The following NPY variants were observed in gnomAD, a reference collection of about 807,000 sequenced individuals.
NPY encodes pro-neuropeptide Y.
Under a neutral mutation model 13.2 loss-of-function variants are expected in NPY, and 11 were observed. The ratio of observed to expected loss-of-function variants is 0.83; its 90% confidence interval spans 0.52 to 1.38. The LOEUF (loss-of-function observed/expected upper bound fraction) is 1.38. NPY is among the 40% of genes most tolerant of loss of function. The pLI is 0.00. For synonymous variants in NPY, 51 were observed against 55.6 expected (o/e 0.92, Z 0.37); for missense variants, 109 against 125.1 (o/e 0.87, Z 0.61).
chr7:24,291,191 C>T (rs1787586684), intron 3 of NPY, among the ~76,000 whole-genome samples: 1 of 152,082 alleles, frequency 6.6e-6, no homozygotes. Flanking sequence ...GGAGACAAAA[C>T]TTGACGGTCT....
chr7:24,290,908 A>C (rs1787578459), intron 3 of NPY, among the ~76,000 whole-genome samples: 1 of 151,908 alleles, frequency 6.6e-6, no homozygotes, highest in Non-Finnish European at 1.5e-5. Context: ...CCCAAGTGCT[A>C]GGATTACAGT....
rs895349764 is a variant in NPY at position 24,285,016 on chromosome 7, C to T, written c.1-225C>T. On this transcript the variant is annotated intron_variant, in intron 1 of 3. Transcript: ENST00000242152. This position sits in a 1 kb window ranked among gnomAD's most constrained non-coding sequence, Gnocchi z 4.9. Reference sequence around the variant, plus strand: ...CCCTGAGACTTCGAACGAAGTTGCGCGAAGTTTTCAGGTGGAGCAGAGGGG... The same window carrying T: ...CCCTGAGACTTCGAACGAAGTTGCGTGAAGTTTTCAGGTGGAGCAGAGGGG... 5.1e-6 allele frequency: 3 copies of T among 585,210 alleles called. No homozygotes were observed. The highest frequency in any genetic ancestry group is 6.1e-6 in the Non-Finnish European group (2 of 328,568). The allele number at this position is 585,210 out of a possible 1,614,324, so 36.3% of individuals were successfully genotyped here. A position where few individuals can be genotyped will look rare whatever the true frequency, so the allele number is the denominator to read the frequency against.
chr7:24,285,912 C>G lies in NPY; in HGVS notation c.188+484C>G, dbSNP rs182076684. ...ACATTGTCAGACTTTCCGGCCTGCC[C>G]AGGGCTAATTGAATGACAGTATTTA... On this transcript the variant is annotated intron_variant, in intron 2 of 3. Transcript: ENST00000242152. The surrounding 1 kb of genome is among the most constrained non-coding windows in gnomAD (Gnocchi z 4.9). 6.6e-6 allele frequency among the ~76,000 whole-genome samples: 1 copy of G among 152,150 alleles called. No homozygotes were observed. The highest frequency in any genetic ancestry group is 2.4e-5 in the African/African-American group (1 of 41,432).
Position 24,291,707 on chromosome 7 carries a change from T to C in NPY, c.*20T>C. On this transcript the variant is annotated 3_prime_UTR_variant, in exon 4 of 4. Coordinates refer to ENST00000242152, the MANE Select transcript of NPY (RefSeq NM_000905.4). The stretch of plus-strand genomic sequence containing the variant: ...TGGTGATGGGAAATGAGACTTGCTC[T>C]CTGGCCTTTTCCTATTTTCAGCCCA... The C allele has an allele frequency of 6.2e-7, 1 of 1,614,068 alleles. No homozygotes were observed. Among genetic ancestry groups the C allele is most frequent in the Non-Finnish European group, 8.5e-7 (1 of 1,179,928 alleles).
rs1448520150 is a variant in NPY at position 24,285,199 on chromosome 7, C to G, written c.1-42C>G. 9 of 1,609,840 alleles carry G rather than the reference C, an allele frequency of 5.6e-6. No individual in the cohort carries two copies. Among genetic ancestry groups the G allele is most frequent in the Non-Finnish European group, 7.6e-6 (9 of 1,176,744 alleles). On this transcript the variant is annotated intron_variant, in intron 1 of 3. Coordinates refer to ENST00000242152, the MANE Select transcript of NPY (RefSeq NM_000905.4). The surrounding 1 kb of genome is among the most constrained non-coding windows in gnomAD (Gnocchi z 4.9). ...GAGGGAGGTGCTGCGCGTGGGTGCT[C>G]TGAATCCCCAAGCCCGTCCGTTGAG...
rs1169028546 is a variant in NPY, at chr7:24,285,152, A to G, written c.1-89A>G. The G allele has an allele frequency of 2.9e-5, 40 of 1,368,738 alleles. No individual in the cohort carries two copies. Among genetic ancestry groups the G allele is most frequent in the Non-Finnish European group, 3.9e-5 (38 of 968,928 alleles). The allele number at this position is 1,368,738 out of a possible 1,614,324, so 84.8% of individuals were successfully genotyped here. On this transcript the variant is annotated intron_variant, in intron 1 of 3. Transcript: ENST00000242152. The surrounding 1 kb of genome is among the most constrained non-coding windows in gnomAD (Gnocchi z 4.9). Reference sequence around the variant, plus strand: ...ATTGGGGGTCGCGTGTGGTAGCAGGAGGAGGAGCGCGGGGGGCAGAGGAGG... The same window carrying G: ...ATTGGGGGTCGCGTGTGGTAGCAGGGGGAGGAGCGCGGGGGGCAGAGGAGG...
chr7:24,291,550 C>T (rs1311623475), intron 3 of NPY, 113 bp from the exon 4 acceptor site: 82 of 1,301,880 alleles, frequency 6.3e-5, no homozygotes, highest in South Asian at 8.0e-5. Context: ...CAACAGGAAA[C>T]TTTTCAACAG....
At chr7:24,284,696 C>T (rs911972024) in intron 1 of NPY, among the ~76,000 whole-genome samples, 1 of 152,174 alleles carries the variant, frequency 6.6e-6, no homozygotes, top group African/African-American at 2.4e-5. Flanking sequence ...GAGCCCCGCG[C>T]CCTGCCACCT....
chr7:24,289,639 A>G, intron 3 of NPY, 60 bp downstream of exon 3: 1 of 1,356,112 alleles, frequency 7.4e-7, no homozygotes, highest in South Asian at 1.3e-5. Context: ...AGGGGAGGGA[A>G]GTCAGAGACA....
chr7:24,284,351 C>A (rs973576725), intron 1 of NPY, 76 bp downstream of exon 1: 1 of 152,534 alleles, frequency 6.6e-6, no homozygotes, highest in African/African-American at 2.4e-5. Context: ...CGCAGCCTCC[C>A]GCTCTGTGGA....
rs1254198697 is a variant in NPY at position 24,285,783 on chromosome 7, GC to G, written c.188+357del. Among the ~76,000 whole-genome samples the G allele has an allele frequency of 6.6e-6, 1 of 152,088 alleles. No individual in the cohort carries two copies. The highest frequency in any genetic ancestry group is 2.4e-5 in the African/African-American group (1 of 41,394). On this transcript the variant is annotated intron_variant, in intron 2 of 3. Transcript: ENST00000242152. The surrounding 1 kb of genome is among the most constrained non-coding windows in gnomAD (Gnocchi z 4.9). ...TACCCAGTGAAAGGGGCAAGAATGC[GC>G]CAGAGAAATGCTGTAGGGGGAAACG...
intron 3 of NPY, among the ~76,000 whole-genome samples, chr7:24,290,759 A>AAATAAT (rs747171869): frequency 3.8e-5 from 5 of 133,114 alleles, no homozygotes; most frequent in African/African-American, 1.1e-4. Context: ...TTTTTTAATT[A>AAATAAT]AATAATAATA....
At chr7:24,289,896 G>A (rs1342094369) in intron 3 of NPY, among the ~76,000 whole-genome samples, 1 of 152,124 alleles carries the variant, frequency 6.6e-6, no homozygotes, top group African/African-American at 2.4e-5. Flanking sequence ...GGAGCATAGA[G>A]TGAGTCCCTG....
In NPY at chr7:24,285,979, G is replaced by GA. The variant is rs1562800422; in HGVS notation, c.188+551_188+552insA. On this transcript the variant is annotated intron_variant, in intron 2 of 3. Transcript: ENST00000242152. This position sits in a 1 kb window ranked among gnomAD's most constrained non-coding sequence, Gnocchi z 4.9. ...GCTATTTTCTTTTCTTCTTCACTGT[G>GA]TTTTTTTTGCAGTCTCACTCCCATA... 6.6e-6 allele frequency among the ~76,000 whole-genome samples: 1 copy of GA among 151,848 alleles called. No individual in the cohort carries two copies.
In NPY at chr7:24,287,482, T is replaced by A. The variant is rs540574471; in HGVS notation, c.189-2017T>A. On this transcript the variant is annotated intron_variant, in intron 2 of 3. Coordinates refer to ENST00000242152, the MANE Select transcript of NPY (RefSeq NM_000905.4). ...ACCAGCATTCCCCCTGCACTCAATT[T>A]GTGCTTATATTCCTTTTGCTGTATA... 4.6e-5 allele frequency among the ~76,000 whole-genome samples: 7 copies of A among 151,022 alleles called. 1 individual carries two copies. In the East Asian group the frequency reaches 1.4e-3, roughly 29 times the overall value.
rs556266068 is a variant in NPY, at chr7:24,285,870, C to CT, written c.188+443dup. The stretch of plus-strand genomic sequence containing the variant: ...AAAGAAAACCAAACCAAGGAGTAAA[C>CT]TGCAGGGTTGCCACAGACATTGTCA... On this transcript the variant is annotated intron_variant, in intron 2 of 3. Coordinates refer to ENST00000242152, the MANE Select transcript of NPY (RefSeq NM_000905.4). The surrounding 1 kb of genome is among the most constrained non-coding windows in gnomAD (Gnocchi z 4.9). 1.5e-3 allele frequency among the ~76,000 whole-genome samples: 230 copies of CT among 152,306 alleles called. 1 individual carries two copies. Among genetic ancestry groups the CT allele is most frequent in the African/African-American group, 5.3e-3 (219 of 41,566 alleles).
chr7:24,284,795 C>T, intron 1 of NPY: 1 of 194,162 alleles, frequency 5.2e-6, no homozygotes. Flanking sequence ...GTCGTCACCC[C>T]GAGGTGATCT....
intron 2 of NPY, among the ~76,000 whole-genome samples, chr7:24,288,621 T>C (rs989406118): frequency 7.0e-6 from 1 of 143,814 alleles, no homozygotes; most frequent in Admixed American, 7.6e-5. Flanking sequence ...GGGGAGCATA[T>C]ACTACCCTCA....
At chr7:24,290,123 G>A (rs975350438) in intron 3 of NPY, among the ~76,000 whole-genome samples, 10 of 152,246 alleles carry the variant, frequency 6.6e-5, no homozygotes, top group African/African-American at 2.2e-4. Flanking sequence ...TACATTCAAC[G>A]AATGCACGTT....
Sources: allele counts gnomAD v4.1 joint callset (sites outside exome capture counted in the v4.1 genomes callset), GRCh38; gene constraint gnomAD v4.1.1; non-coding constraint Gnocchi (gnomAD v3.1); transcripts MANE v1.5; gene names NCBI Gene and HGNC (gene_info 2026-07-23, HGNC 2026-07-21).